CIITA: variants seen among roughly 807,000 people sequenced by gnomAD.
The protein encoded by CIITA is class II major histocompatibility complex transactivator.
CIITA carries 72 observed loss-of-function variants against 115.1 expected under a neutral mutation model. That is an observed-to-expected ratio of 0.63 (90% CI 0.52 to 0.76). CIITA has a LOEUF of 0.76. Among genes scored for constraint, CIITA ranks in the 30% least tolerant of loss-of-function variants. The pLI, the probability that CIITA is intolerant of heterozygous loss-of-function variation, is 0.00. For missense variants in CIITA, 1,617 were observed against 1,463.8 expected (o/e 1.10, Z -1.71); for synonymous variants, 763 against 635.6 (o/e 1.20, Z -3.02).
At chr16:10,916,738 A>G in intron 15 of CIITA, 2 of 493,516 alleles carry the variant, frequency 4.1e-6, no homozygotes, top group Admixed American at 3.3e-5. Context: ...TCAGCCATTC[A>G]TCCTTCCATT....
Position 10,906,989 on chromosome 16 carries a change from C to A in CIITA, c.1497C>A (p.Asp499Glu). The A allele has an allele frequency of 6.2e-7, 1 of 1,611,488 alleles. No individual in the cohort carries two copies. The highest frequency in any genetic ancestry group is 8.5e-7 in the Non-Finnish European group (1 of 1,179,906). Residue 499 changes from aspartate to glutamate, a missense_variant, in exon 11 of 20, where the codon GAC becomes GAA. Coordinates refer to ENST00000324288, the MANE Select transcript of CIITA (RefSeq NM_000246.4). ...KRPDRVLLILDGFEELEAQDG... is the reference protein window; with the variant it reads ...KRPDRVLLILEGFEELEAQDG... ...CTGACCGCGTTCTGCTCATCCTAGA[C>A]GGCTTCGAGGAGCTGGAAGCGCAAG...
At chr16:10,876,637 A>G (rs926610085), upstream of CIITA, among the ~76,000 whole-genome samples, 1 of 152,226 alleles carries the variant, frequency 6.6e-6, no homozygotes, top group Admixed American at 6.5e-5. Flanking sequence ...GGGTCACCCC[A>G]AACCATCTGA....
rs1006334163 is a variant in CIITA at position 10,918,608 on chromosome 16, G to A, written c.3149+82G>A. On this transcript the variant is annotated intron_variant, in intron 16 of 19. Coordinates refer to ENST00000324288, the MANE Select transcript of CIITA (RefSeq NM_000246.4). ...GGAACCCACATCGTGCTGGCTGCAG[G>A]GGACACTGAGACCCTAGAAGCAATC... The A allele has an allele frequency of 9.1e-6, 11 of 1,203,970 alleles. No individual in the cohort carries two copies. In the African/African-American group the frequency reaches 1.6e-4, roughly 18 times the overall value. 74.6% of individuals were successfully genotyped at this position (1,203,970 alleles called of 1,614,324 possible). A position where few individuals can be genotyped will look rare whatever the true frequency, so the allele number is the denominator to read the frequency against.
intron 13 of CIITA, chr16:10,915,138 C>A (rs975194870): frequency 8.1e-5 from 35 of 430,774 alleles, no homozygotes; most frequent in African/African-American, 6.8e-4. Flanking sequence ...GCATCCTCCA[C>A]CTCCTGGGCT....
At chr16:10,915,770 G>T in intron 14 of CIITA, 120 bp downstream of exon 14, 1 of 904,096 alleles carries the variant, frequency 1.1e-6, no homozygotes, top group Non-Finnish European at 1.8e-6. Context: ...CTCCTGAGTA[G>T]CTGGGACCAC....
rs1482462500 is a variant in CIITA at position 10,907,306 on chromosome 16, T to G, written c.1814T>G (p.Leu605Arg). The part of the protein sequence containing the change: ...LTLLRDRPLL[L>R]SHSHSPTLCR... The stretch of plus-strand genomic sequence containing the variant: ...CTCCTCCGGGACCGGCCACTTCTTC[T>G]CAGTCACAGCCACAGCCCTACTTTG... The change falls in exon 11 of 20, where the codon CTC becomes CGC. Residue 605 changes from leucine to arginine, a missense_variant. Physicochemically the swap from Leu to Arg is moderately radical, Grantham distance 102. Transcript: ENST00000324288. This position sits in a 1 kb window ranked among gnomAD's most constrained non-coding sequence, Gnocchi z 5.0. 3 of 1,613,516 alleles carry G rather than the reference T, an allele frequency of 1.9e-6. No homozygotes were observed. Among genetic ancestry groups the G allele is most frequent in the Non-Finnish European group, 2.5e-6 (3 of 1,179,982 alleles).
At position 10,895,402 on chromosome 16, in the gene CIITA, GAGA is replaced by G. The variant is rs2038022645; in HGVS notation, c.180_182del (p.Glu61del). ...TTCTATGACCAGATGGACCTGGCTG[GAGA>G]AGAAGAGATTGAGCTCTACTCAGGT... On this transcript the variant is annotated inframe_deletion, in exon 2 of 20. Coordinates refer to ENST00000324288, the MANE Select transcript of CIITA (RefSeq NM_000246.4). The G allele has an allele frequency of 1.2e-6, 2 of 1,613,938 alleles. No individual in the cohort carries two copies. Among genetic ancestry groups the G allele is most frequent in the Admixed American group, 3.3e-5 (2 of 60,018 alleles).
At chr16:10,882,799 G>T (rs1343905711) in intron 1 of CIITA, among the ~76,000 whole-genome samples, 1 of 151,972 alleles carries the variant, frequency 6.6e-6, no homozygotes, top group Admixed American at 6.6e-5. Context: ...CGGTAGGCTG[G>T]TGGAGGAGAA....
chr16:10,873,784 G>A (rs996674869), upstream of CIITA, among the ~76,000 whole-genome samples: 5 of 152,030 alleles, frequency 3.3e-5, no homozygotes, highest in African/African-American at 1.2e-4. Context: ...AGTGGTTGCT[G>A]GCATGCTAGT....
chr16:10,896,455 C>T (rs753909186), intron 3 of CIITA, among the ~76,000 whole-genome samples: 2 of 152,208 alleles, frequency 1.3e-5, no homozygotes, highest in Admixed American at 1.3e-4. Context: ...AGAGCTACAG[C>T]TTTCAGACAA....
rs1206723693 is a variant in CIITA at position 10,866,334 on chromosome 16, C to G, written c.-21+15C>G. ...TCCTGACTCAGGTGAGAATGCTGCT[C>G]TCCAGCCATCAGCCCAGCCTGGTGC... On this transcript the variant is annotated intron_variant, in intron 1 of 5. Transcript: ENST00000636238. 7.0e-6 allele frequency: 4 copies of G among 569,388 alleles called. No homozygotes were observed. In the African/African-American group the frequency reaches 7.4e-5, roughly 11 times the overall value. 35.3% of individuals were successfully genotyped at this position (569,388 alleles called of 1,614,324 possible). A position where few individuals can be genotyped will look rare whatever the true frequency, so the allele number is the denominator to read the frequency against.
At position 10,936,318 on chromosome 16, in the gene CIITA, AT is replaced by A. The variant is rs2041020022; in HGVS notation, c.*12467del. On this transcript the variant is annotated 3_prime_UTR_variant, in exon 20 of 20. Transcript: ENST00000324288. ...TAGTGTATCAATATTAGATTTGCTG[AT>A]TTTGACAACCCTACTGTGGTTATGC... The A allele has an allele frequency of 6.6e-6, 1 of 152,156 alleles. No individual in the cohort carries two copies. 9.4% of individuals were successfully genotyped at this position (152,156 alleles called of 1,614,324 possible). A position where few individuals can be genotyped will look rare whatever the true frequency, so the allele number is the denominator to read the frequency against.
intron 1 of CIITA, among the ~76,000 whole-genome samples, chr16:10,883,326 G>C (rs1391821405): frequency 6.6e-6 from 1 of 152,174 alleles, no homozygotes; most frequent in African/African-American, 2.4e-5. Flanking sequence ...TCTGGAGCTG[G>C]GACAGACCAG....
chr16:10,899,436 T>C (rs1465609181), intron 5 of CIITA, among the ~76,000 whole-genome samples: 1 of 152,234 alleles, frequency 6.6e-6, no homozygotes, highest in Non-Finnish European at 1.5e-5. Context: ...GGAACCCTTC[T>C]CTGACCATCC....
intron 13 of CIITA, among the ~76,000 whole-genome samples, chr16:10,913,662 A>G (rs1016020691): frequency 6.7e-6 from 1 of 148,162 alleles, no homozygotes; most frequent in African/African-American, 2.5e-5. Flanking sequence ...AACTCTGGCC[A>G]GGCGCAGTGG....
intron 16 of CIITA, 32 bp from the exon 17 acceptor site, chr16:10,922,135 C>T (rs1397727884): frequency 6.2e-7 from 1 of 1,601,434 alleles, no homozygotes; most frequent in South Asian, 1.1e-5. Flanking sequence ...CACAGGCCTC[C>T]AATCCCTCCC....
intron 13 of CIITA, among the ~76,000 whole-genome samples, chr16:10,911,118 A>C (rs1168120845): frequency 6.6e-6 from 1 of 152,162 alleles, no homozygotes; most frequent in Non-Finnish European, 1.5e-5. Flanking sequence ...GTCACTGAGG[A>C]GGGGCAGCCC....
intron 11 of CIITA, 32 bp downstream of exon 11, chr16:10,908,181 T>C (rs1322683639): frequency 6.4e-7 from 1 of 1,551,048 alleles, no homozygotes; most frequent in East Asian, 2.4e-5. Context: ...AGAGACATCC[T>C]TGTGTTGGGC....
Position 10,879,953 on chromosome 16 carries a change from C to A in CIITA, c.52+2571C>A, listed in dbSNP as rs954597410. Among the ~76,000 whole-genome samples, 1 of 152,190 alleles carries A rather than the reference C, an allele frequency of 6.6e-6. No homozygotes were observed. The highest frequency in any genetic ancestry group is 1.5e-5 in the Non-Finnish European group (1 of 68,024). ...TTCAAGGCATGGCTCCCTCCCCAGC[C>A]GCAGCCTGGAGTGTCTAACTTTGGC... On this transcript the variant is annotated intron_variant, in intron 1 of 19. Coordinates refer to ENST00000324288, the MANE Select transcript of CIITA (RefSeq NM_000246.4). This position sits in a 1 kb window ranked among gnomAD's most constrained non-coding sequence, Gnocchi z 4.3.
Sources: allele counts gnomAD v4.1 joint callset (sites outside exome capture counted in the v4.1 genomes callset), GRCh38; gene constraint gnomAD v4.1.1; non-coding constraint Gnocchi (gnomAD v3.1); transcripts MANE v1.5; gene names NCBI Gene and HGNC (gene_info 2026-07-23, HGNC 2026-07-21).